Variants in TAPBP observed in about 807,000 individuals in gnomAD.
The protein encoded by TAPBP is TAP binding protein, also known as tapasin.
Under a neutral mutation model 45.7 loss-of-function variants are expected in TAPBP, and 38 were observed. The ratio of observed to expected loss-of-function variants is 0.83; its 90% CI spans 0.64 to 1.09. The LOEUF (loss-of-function observed/expected upper bound fraction) is 1.09. Ranked by LOEUF, TAPBP falls within the 50% of genes least tolerant of loss-of-function variation. The pLI, the probability that TAPBP is intolerant of heterozygous loss-of-function variation, is 0.00. For missense variants in TAPBP, 513 were observed against 587.3 expected, an observed-to-expected ratio of 0.87 and a Z score of 1.31; for synonymous variants, 226 against 254.8, an observed-to-expected ratio of 0.89 and a Z score of 1.08.
rs541423795 is a variant in TAPBP at position 33,301,905 on chromosome 6, C to G, written c.1336-134G>C. The stretch of plus-strand genomic sequence containing the variant: ...GGATGAGGCTAATATTTTCTGCCCT[C>G]CAGACACTGCTGAGTGCTGTATCTC... On this transcript the variant is annotated intron_variant, in intron 7 of 7. Transcript: ENST00000434618. The G allele has an allele frequency of 1.9e-4, 240 of 1,257,932 alleles. 4 individuals carry two copies. In the South Asian group the frequency reaches 2.7e-3, roughly 14 times the overall value. The allele number at this position is 1,257,932 out of a possible 1,614,324, so 77.9% of individuals were successfully genotyped here.
rs767195857 is a variant in TAPBP, at chr6:33,305,238, G to A, written c.619C>T (p.Arg207Ter). The A allele has an allele frequency of 3.0e-5, 48 of 1,612,554 alleles. 1 individual carries two copies. In the Admixed American group the frequency reaches 3.8e-4, roughly 13 times the overall value. Residue 207 changes from arginine to a stop codon, truncating the protein, a stop_gained, in exon 4 of 8, where the codon CGA (arginine) becomes TGA (stop). Coordinates refer to ENST00000434618, the MANE Select transcript of TAPBP (RefSeq NM_003190.5). LOFTEE classifies it high-confidence loss of function. This position sits in a 1 kb window ranked among gnomAD's most constrained non-coding sequence, Gnocchi z 4.4. Reference protein sequence around the residue: ...PGPPPFGLEWRRQHLGKGHLL... With the variant: ...PGPPPFGLEW ...TGTCCCTTACCCAGGTGCTGGCGTCGCCACTCTAGCCCAAAGGGAGGGGGA... is the reference window on the plus strand; with the variant it reads ...TGTCCCTTACCCAGGTGCTGGCGTCACCACTCTAGCCCAAAGGGAGGGGGA...
In TAPBP at chr6:33,300,224, G is replaced by C. The variant is rs572047447; in HGVS notation, c.*1536C>G. The C allele has an allele frequency of 2.6e-5, 4 of 153,850 alleles. No individual in the cohort carries two copies. The highest frequency in any genetic ancestry group is 4.8e-5 in the African/African-American group (2 of 41,396). 9.5% of individuals were successfully genotyped at this position (153,850 alleles called of 1,614,324 possible). ...GCAGTGGCTCCAGCGCGGGGCGGTG[G>C]GGGGGACAAGTGAGCCAGGGCAAGA... is the stretch of plus-strand genomic sequence containing the variant. On this transcript the variant is annotated 3_prime_UTR_variant, in exon 8 of 8. Coordinates refer to ENST00000434618, the MANE Select transcript of TAPBP (RefSeq NM_003190.5).
At chr6:33,309,532 C>G (rs996067737) in intron 3 of TAPBP, among the ~76,000 whole-genome samples, 7 of 151,366 alleles carry the variant, frequency 4.6e-5, no homozygotes, top group African/African-American at 1.5e-4. Flanking sequence ...AGCAAGACCC[C>G]ATCTCTATTT....
At chr6:33,303,309 C>T (rs911532577) in intron 7 of TAPBP, among the ~76,000 whole-genome samples, 5 of 152,006 alleles carry the variant, frequency 3.3e-5, no homozygotes, top group Middle Eastern at 3.2e-3. Flanking sequence ...ATCCCAACTA[C>T]TCGGGAGGCT....
At chr6:33,307,645 A>G (rs3130021) in intron 3 of TAPBP, among the ~76,000 whole-genome samples, 141,344 of 152,058 alleles carry the variant, frequency 0.93, 65,844 homozygotes, top group East Asian at 1. Flanking sequence ...CAGGTGATCC[A>G]CCTGCTTTGG....
intron 7 of TAPBP, 182 bp downstream of exon 7, chr6:33,303,773 G>A (rs1768742394): frequency 1.3e-6 from 2 of 1,553,042 alleles, no homozygotes; most frequent in Admixed American, 2.0e-5. Flanking sequence ...GAAACATATA[G>A]ATTAAGTAGC....
intron 3 of TAPBP, among the ~76,000 whole-genome samples, chr6:33,311,569 G>A (rs1367790914): frequency 6.6e-6 from 1 of 152,028 alleles, no homozygotes; most frequent in Non-Finnish European, 1.5e-5. Flanking sequence ...CGGAGGTTCC[G>A]GTGAGCGTGA....
rs1768782217 is a variant in TAPBP, at chr6:33,304,179, A to G, written c.1249T>C (p.Phe417Leu). 1.2e-6 allele frequency: 2 copies of G among 1,613,536 alleles called. No homozygotes were observed. Among genetic ancestry groups the G allele is most frequent in the South Asian group, 1.1e-5 (1 of 91,036 alleles). ...GPSLEDSVGL[F>L]LSAFLLLGLF... ...CCAAGCAGAAGAAAGGCAGACAGGA[A>G]AAGGCCTACGCTGTCCTCAAGGGAG... The change falls in exon 6 of 8, where the codon TTC becomes CTC. Residue 417 changes from phenylalanine to leucine, a missense_variant. By Grantham distance (22) the Phe-to-Leu change is conservative. Coordinates refer to ENST00000434618, the MANE Select transcript of TAPBP (RefSeq NM_003190.5).
rs1169318517 is a variant in TAPBP at position 33,305,919 on chromosome 6, G to T, written c.470-532C>A. On this transcript the variant is annotated intron_variant, in intron 3 of 7. Transcript: ENST00000434618. The surrounding 1 kb of genome is among the most constrained non-coding windows in gnomAD (Gnocchi z 4.4). ...TGAAGCAGTACAGTGCAGTGGCTAA[G>T]TGCCTGGAGCCTGGCTGACCGGGTT... is the stretch of plus-strand genomic sequence containing the variant. 2.6e-5 allele frequency among the ~76,000 whole-genome samples: 4 copies of T among 152,230 alleles called. No homozygotes were observed. Among genetic ancestry groups the T allele is most frequent in the African/African-American group, 9.6e-5 (4 of 41,464 alleles).
In TAPBP at chr6:33,313,203, C is replaced by T. The variant is rs1379321486; in HGVS notation, c.469+14G>A. On this transcript the variant is annotated intron_variant, in intron 3 of 7. Coordinates refer to ENST00000434618, the MANE Select transcript of TAPBP (RefSeq NM_003190.5). The surrounding 1 kb of genome is among the most constrained non-coding windows in gnomAD (Gnocchi z 7.2). ...GAATCTACCCACCCTTCTCCACCTC[C>T]CCTCCCCAGCTACCTGTTGCCATGG... is the stretch of plus-strand genomic sequence containing the variant. 1.9e-6 allele frequency: 3 copies of T among 1,599,438 alleles called. No individual in the cohort carries two copies. Among genetic ancestry groups the T allele is most frequent in the Admixed American group, 1.7e-5 (1 of 59,364 alleles).
rs142416547 is a variant in TAPBP at position 33,305,120 on chromosome 6, G to A, written c.737C>T (p.Pro246Leu). ...VAFAAWDDDE[P>L]WGPWTGNGTF... ...CCCATTTCCGGTCCATGGGCCCCATGGCTCATCATCATCCCAAGCAGCAAA... is the reference window on the plus strand; with the variant it reads ...CCCATTTCCGGTCCATGGGCCCCATAGCTCATCATCATCCCAAGCAGCAAA... Residue 246 changes from proline to leucine, a missense_variant, in exon 4 of 8, where the codon CCA becomes CTA. Physicochemically the swap from Pro to Leu is moderately conservative, Grantham distance 98 (BLOSUM62 -3). Transcript: ENST00000434618. The surrounding 1 kb of genome is among the most constrained non-coding windows in gnomAD (Gnocchi z 4.4). 192 of 1,614,078 alleles carry A rather than the reference G, an allele frequency of 1.2e-4. 1 individual carries two copies. Among genetic ancestry groups the A allele is most frequent in the Non-Finnish European group, 1.6e-4 (188 of 1,180,044 alleles).
At chr6:33,312,806 G>C (rs1562699284) in intron 3 of TAPBP, among the ~76,000 whole-genome samples, 1 of 152,130 alleles carries the variant, frequency 6.6e-6, no homozygotes, top group Non-Finnish European at 1.5e-5. Flanking sequence ...CAAAGCTGAG[G>C]GTGCAGAGCA....
At chr6:33,301,847 T>C in intron 7 of TAPBP, 76 bp from the exon 8 acceptor site, 5 of 1,606,676 alleles carry the variant, frequency 3.1e-6, no homozygotes, top group Non-Finnish European at 4.3e-6. Flanking sequence ...TTTAGAGACA[T>C]ATAAACTATC....
intron 3 of TAPBP, among the ~76,000 whole-genome samples, chr6:33,307,111 A>C (rs2150964667): frequency 6.6e-6 from 1 of 152,236 alleles, no homozygotes; most frequent in South Asian, 2.1e-4. Flanking sequence ...AACATGGCAA[A>C]ACCCTGTCTC....
rs1468182307 is a variant in TAPBP, at chr6:33,304,595, G to A, written c.912C>T (p.Ala304=). The part of the protein sequence containing the change: ...VSLMPATLAR[A]APGEAPPELL... The stretch of plus-strand genomic sequence containing the variant: ...ATTCCGGGGGTGCCTCCCCTGGGGC[G>A]GCCCGTGCAAGGGTTGCTGGCATCA... The change falls in exon 5 of 8, where the codon GCC becomes GCT. Residue 304 remains alanine, a synonymous_variant. Transcript: ENST00000434618. The A allele has an allele frequency of 7.5e-6, 12 of 1,596,310 alleles. No homozygotes were observed. Among genetic ancestry groups the A allele is most frequent in the African/African-American group, 4.0e-5 (3 of 74,660 alleles).
Position 33,305,458 on chromosome 6 carries a change from A to C in TAPBP, c.470-71T>G. On this transcript the variant is annotated intron_variant, in intron 3 of 7. Transcript: ENST00000434618. The surrounding 1 kb of genome is among the most constrained non-coding windows in gnomAD (Gnocchi z 4.4). ...AGAAAGAAGGAGAAAAAAATAGAGA[A>C]ATGCAGTTATTGGGGAGGGCTAAAC... 2.1e-6 allele frequency: 3 copies of C among 1,429,390 alleles called. No individual in the cohort carries two copies. Among genetic ancestry groups the C allele is most frequent in the Non-Finnish European group, 2.8e-6 (3 of 1,078,504 alleles). The allele number at this position is 1,429,390 out of a possible 1,614,324, so 88.5% of individuals were successfully genotyped here.
Position 33,313,353 on chromosome 6 carries a change from G to A in TAPBP, c.333C>T (p.Pro111=). 2 of 1,613,130 alleles carry A rather than the reference G, an allele frequency of 1.2e-6. No homozygotes were observed. The highest frequency in any genetic ancestry group is 8.5e-7 in the Non-Finnish European group (1 of 1,179,892). Residue 111 remains proline (P), a synonymous_variant, in exon 3 of 8, where the codon CCC becomes CCT. Coordinates refer to ENST00000434618, the MANE Select transcript of TAPBP (RefSeq NM_003190.5). The surrounding 1 kb of genome is among the most constrained non-coding windows in gnomAD (Gnocchi z 7.2). ...ASAKWASGLT[P]AQNCPRALDG... ...CCAGGGCCCGCGGGCAGTTCTGCGC[G>A]GGGGTCAGGCCGCTGGCCCATTTCG...
chr6:33,300,658 C>T lies in TAPBP; in HGVS notation c.*1102G>A, dbSNP rs1768492731. On this transcript the variant is annotated 3_prime_UTR_variant, in exon 8 of 8. Transcript: ENST00000434618. ...CCTGGGCAACAGAGCGAGACTCTGT[C>T]TCAGAAAAAAAGAAAGATTATTTGC... is the stretch of plus-strand genomic sequence containing the variant. 1.8e-5 allele frequency: 1 copy of T among 54,566 alleles called. No homozygotes were observed. Among genetic ancestry groups the T allele is most frequent in the Admixed American group, 2.0e-4 (1 of 4,944 alleles). The allele number at this position is 54,566 out of a possible 1,614,324, so 3.4% of individuals were successfully genotyped here. A position where few individuals can be genotyped will look rare whatever the true frequency, so the allele number is the denominator to read the frequency against.
intron 3 of TAPBP, among the ~76,000 whole-genome samples, chr6:33,309,764 G>T (rs574351451): frequency 6.3e-5 from 7 of 111,024 alleles, no homozygotes; most frequent in African/African-American, 2.1e-4. Context: ...CACGCTTGTT[G>T]CCCAGGCTGG....
Sources: allele counts gnomAD v4.1 joint callset (sites outside exome capture counted in the v4.1 genomes callset), GRCh38; gene constraint gnomAD v4.1.1; non-coding constraint Gnocchi (gnomAD v3.1); transcripts MANE v1.5; gene names NCBI Gene and HGNC (gene_info 2026-07-23, HGNC 2026-07-21).